CTDSPL: variants seen among roughly 807,000 people sequenced by gnomAD.
The protein encoded by CTDSPL is CTD small phosphatase-like protein.
Under a neutral mutation model 30.5 loss-of-function variants are expected in CTDSPL, and 8 were observed. The ratio of observed to expected loss-of-function variants is 0.26; its 90% CI spans 0.15 to 0.47. CTDSPL has a LOEUF of 0.47. CTDSPL is among the 20% of genes least tolerant of loss of function. The pLI, the probability that CTDSPL is intolerant of heterozygous loss-of-function variation, is 0.99. For missense variants in CTDSPL, 248 were observed against 366.1 expected, an observed-to-expected ratio of 0.68 and a Z score of 2.63; for synonymous variants, 110 against 137.9, an observed-to-expected ratio of 0.80 and a Z score of 1.42.
chr3:37,969,664 A>T (rs770727497), intron 5 of CTDSPL, among the ~76,000 whole-genome samples: 4 of 152,198 alleles, frequency 2.6e-5, no homozygotes, highest in African/African-American at 4.8e-5. Context: ...CTTGTGGGCA[A>T]AGTGGGAGTC....
Position 37,981,128 on chromosome 3 carries a change from A to C in CTDSPL, c.*261A>C. ...AAAACATACCAAAAAAGAAAAAAATAGAAAAAAAAAAAAAAAAAGCTTGAT... is the reference window on the plus strand; with the variant it reads ...AAAACATACCAAAAAAGAAAAAAATCGAAAAAAAAAAAAAAAAAGCTTGAT... On this transcript the variant is annotated 3_prime_UTR_variant, in exon 8 of 8. Coordinates refer to ENST00000273179, the MANE Select transcript of CTDSPL (RefSeq NM_001008392.2). The C allele has an allele frequency of 5.3e-6, 1 of 189,096 alleles. No homozygotes were observed. Among genetic ancestry groups the C allele is most frequent in the East Asian group, 1.2e-4 (1 of 8,306 alleles). The allele number at this position is 189,096 out of a possible 1,614,324, so 11.7% of individuals were successfully genotyped here.
At chr3:37,950,602 A>G (rs1699095674) in intron 2 of CTDSPL, among the ~76,000 whole-genome samples, 1 of 152,232 alleles carries the variant, frequency 6.6e-6, no homozygotes, top group African/African-American at 2.4e-5. Context: ...GTGAGAGAGA[A>G]CAGCAGGCAT....
At chr3:37,946,668 G>A (rs1323202473) in intron 1 of CTDSPL, among the ~76,000 whole-genome samples, 3 of 152,214 alleles carry the variant, frequency 2.0e-5, no homozygotes, top group African/African-American at 4.8e-5. Context: ...GTGTCAAGTC[G>A]ATTTGTGCCT....
chr3:37,924,185 C>A (rs1430698455), intron 1 of CTDSPL, among the ~76,000 whole-genome samples: 4 of 152,202 alleles, frequency 2.6e-5, no homozygotes, highest in African/African-American at 9.7e-5. Context: ...CAAACTAAGG[C>A]TGTTAACATT....
At position 37,862,367 on chromosome 3, in the gene CTDSPL, G is replaced by T. The variant is rs961132801; in HGVS notation, c.79+89G>T. 3.4e-6 allele frequency: 4 copies of T among 1,168,692 alleles called. No individual in the cohort carries two copies. In the Admixed American group the frequency reaches 1.6e-4, roughly 47 times the overall value. 72.4% of individuals were successfully genotyped at this position (1,168,692 alleles called of 1,614,324 possible). Reference sequence around the variant, plus strand: ...ACTGCCGGGCGCCGGCATGGGCCTGGGGGAGGGGTGCACAGGGCCCGGAGG... The same window carrying T: ...ACTGCCGGGCGCCGGCATGGGCCTGTGGGAGGGGTGCACAGGGCCCGGAGG... On this transcript the variant is annotated intron_variant, in intron 1 of 7. Transcript: ENST00000273179. The surrounding 1 kb of genome is among the most constrained non-coding windows in gnomAD (Gnocchi z 4.3).
rs906968593 is a variant in CTDSPL at position 37,861,943 on chromosome 3, T to TGCGCGGCTCTCCCGG, written c.-247_-233dup. 7.2e-6 allele frequency: 1 copy of TGCGCGGCTCTCCCGG among 138,954 alleles called. No homozygotes were observed. The highest frequency in any genetic ancestry group is 2.6e-5 in the African/African-American group (1 of 38,414). The allele number at this position is 138,954 out of a possible 1,614,324, so 8.6% of individuals were successfully genotyped here. ...CCGGGCCTCCCGCTCCGCCTCCCCG[T>TGCGCGGCTCTCCCGG]GCGCGGCTCTCCCGGGCGCGGCTCC... On this transcript the variant is annotated 5_prime_UTR_variant, in exon 1 of 8. Transcript: ENST00000273179.
intron 5 of CTDSPL, among the ~76,000 whole-genome samples, chr3:37,970,863 CAAGG>C: frequency 6.6e-6 from 1 of 152,212 alleles, no homozygotes. Flanking sequence ...CCCAAGCTGA[CAAGG>C]AAGCCCCTTC....
chr3:37,916,042 T>C (rs995347690), intron 1 of CTDSPL, among the ~76,000 whole-genome samples: 3 of 152,162 alleles, frequency 2.0e-5, no homozygotes, highest in Non-Finnish European at 4.4e-5. Flanking sequence ...TAGGCTTGGG[T>C]ATAGCCCTTG....
At chr3:37,923,861 A>G (rs766307444) in intron 1 of CTDSPL, among the ~76,000 whole-genome samples, 44 of 151,998 alleles carry the variant, frequency 2.9e-4, no homozygotes, top group Non-Finnish European at 5.3e-4. Context: ...TAAATCACTC[A>G]TTTAGGCTAT....
chr3:37,926,964 G>C (rs1215688957), intron 1 of CTDSPL, among the ~76,000 whole-genome samples: 1 of 152,182 alleles, frequency 6.6e-6, no homozygotes, highest in African/African-American at 2.4e-5. Flanking sequence ...CTACTACTTA[G>C]TGCATCATTG....
At chr3:37,961,431 T>G (rs1699243840) in intron 3 of CTDSPL, among the ~76,000 whole-genome samples, 1 of 152,160 alleles carries the variant, frequency 6.6e-6, no homozygotes, top group Non-Finnish European at 1.5e-5. Flanking sequence ...GGAACGCCAC[T>G]GAGGCTGTGT....
chr3:37,862,117 GCCCCCGCGCCCCCCGCGCCGCGCC>G lies in CTDSPL; in HGVS notation c.-79_-56del, dbSNP rs1387891011. ...GGCTGCGAGCGCCCCCCCGCGCCGC[GCCCCCGCGCCCCCCGCGCCGCGCC>G]CCCGCGCGCTTGGCTTGCGGGGGGC... On this transcript the variant is annotated 5_prime_UTR_variant, in exon 1 of 8. Coordinates refer to ENST00000273179, the MANE Select transcript of CTDSPL (RefSeq NM_001008392.2). This position sits in a 1 kb window ranked among gnomAD's most constrained non-coding sequence, Gnocchi z 4.3. 4.0e-6 allele frequency: 2 copies of G among 500,200 alleles called. No individual in the cohort carries two copies. Among genetic ancestry groups the G allele is most frequent in the African/African-American group, 4.4e-5 (2 of 45,348 alleles). The allele number at this position is 500,200 out of a possible 1,614,324, so 31.0% of individuals were successfully genotyped here.
chr3:37,967,552 A>G (rs920756803), intron 4 of CTDSPL, among the ~76,000 whole-genome samples: 19 of 152,256 alleles, frequency 1.2e-4, no homozygotes, highest in African/African-American at 4.1e-4. Flanking sequence ...CAGGAGCCCC[A>G]TCCTCTAGCC....
At chr3:37,921,477 G>C (rs1698713757) in intron 1 of CTDSPL, among the ~76,000 whole-genome samples, 1 of 152,206 alleles carries the variant, frequency 6.6e-6, no homozygotes, top group African/African-American at 2.4e-5. Context: ...AGGTGTATCT[G>C]TCTCCTCCCC....
chr3:37,972,491 A>T (rs541280675), intron 6 of CTDSPL, among the ~76,000 whole-genome samples: 1 of 152,308 alleles, frequency 6.6e-6, no homozygotes, highest in Admixed American at 6.5e-5. Context: ...CCGTCTCAAA[A>T]ATATATATAC....
chr3:37,974,690 C>T (rs1270441284), intron 6 of CTDSPL, among the ~76,000 whole-genome samples: 2 of 152,134 alleles, frequency 1.3e-5, no homozygotes, highest in African/African-American at 2.4e-5. Context: ...CAGGATGATC[C>T]GCAACTGTGA....
At chr3:37,926,113 T>C (rs1245194978) in intron 1 of CTDSPL, among the ~76,000 whole-genome samples, 3 of 152,068 alleles carry the variant, frequency 2.0e-5, no homozygotes, top group African/African-American at 7.3e-5. Flanking sequence ...CTACATGGGG[T>C]GATCTGTGGT....
intron 3 of CTDSPL, among the ~76,000 whole-genome samples, 168 bp from the exon 4 acceptor site, chr3:37,964,403 G>A (rs1699277081): frequency 6.6e-6 from 1 of 152,174 alleles, no homozygotes; most frequent in African/African-American, 2.4e-5. Flanking sequence ...TCAGATCGTG[G>A]CACCGTATTT....
At chr3:37,964,753 A>G (rs896241176) in intron 4 of CTDSPL, 81 bp downstream of exon 4, 2 of 1,116,386 alleles carry the variant, frequency 1.8e-6, no homozygotes, top group African/African-American at 3.1e-5. Context: ...AAAAAGGATG[A>G]AAGCTTATGG....
Sources: gnomAD v4.1 joint callset for allele counts (sites outside exome capture counted in the v4.1 genomes callset) on GRCh38, gnomAD v4.1.1 for gene constraint, Gnocchi (gnomAD v3.1) non-coding constraint, MANE v1.5 for transcripts, NCBI Gene and HGNC (gene_info 2026-07-23, HGNC 2026-07-21) for gene names.